Variants in SCN3B observed in about 807,000 individuals in gnomAD.
SCN3B encodes sodium voltage-gated channel beta subunit 3.
A neutral mutation model predicts 25.4 loss-of-function variants in SCN3B; 11 were observed. The ratio of observed to expected loss-of-function variants is 0.43; its 90% CI spans 0.27 to 0.72. SCN3B has a LOEUF of 0.72. Ranked by LOEUF, SCN3B falls within the 30% of genes least tolerant of loss-of-function variation. The probability of loss-of-function intolerance (pLI) is 0.18; values close to 1 mark genes in which losing one functional copy is unlikely to be tolerated. For missense variants in SCN3B, 218 were observed against 278.3 expected (o/e 0.78, Z 1.54); for synonymous variants, 109 against 110.7 (o/e 0.99, Z 0.09).
intron 5 of SCN3B, 81 bp from the exon 6 acceptor site, chr11:123,634,287 G>A (rs1390682992): frequency 8.8e-7 from 1 of 1,133,474 alleles, no homozygotes; most frequent in Non-Finnish European, 1.3e-6. Context: ...CAGGGCACAG[G>A]AGCAAGGATC....
At chr11:123,639,394 G>C (rs1955762641) in intron 4 of SCN3B, 1 of 149,482 alleles carries the variant, frequency 6.7e-6, no homozygotes, top group Admixed American at 6.6e-5. Flanking sequence ...TTTTTTTTTT[G>C]AGATGGAGCT....
Position 123,653,803 on chromosome 11 carries a change from T to A in SCN3B, c.-2A>T. On this transcript the variant is annotated 5_prime_UTR_variant, in exon 2 of 7. It adds an upstream start codon to the 5' untranslated region. Transcript: ENST00000299333. ...AAACAATCTATTGAAGGCAGGCATC[T>A]TCTGGGGCTGGCGGCTTCCAAGGCT... 6.2e-7 allele frequency: 1 copy of A among 1,614,218 alleles called. No homozygotes were observed. Among genetic ancestry groups the A allele is most frequent in the Non-Finnish European group, 8.5e-7 (1 of 1,180,028 alleles).
chr11:123,643,903 C>A (rs979448897), intron 3 of SCN3B, among the ~76,000 whole-genome samples: 2 of 152,216 alleles, frequency 1.3e-5, no homozygotes, highest in Non-Finnish European at 2.9e-5. Context: ...CTCCGCTGGT[C>A]CCAGTCTTAG....
Position 123,645,767 on chromosome 11 carries a change from T to C in SCN3B, c.56-17A>G. ...AGACACTGACTGCAGAGAGGACAGA[T>C]GGACAGGGAAGGAACAGCAGGTGGT... On this transcript the variant is annotated splice_polypyrimidine_tract_variant and intron_variant, in intron 2 of 6. Coordinates refer to ENST00000299333, the MANE Select transcript of SCN3B (RefSeq NM_001040151.2). The C allele has an allele frequency of 6.2e-7, 1 of 1,613,020 alleles. No homozygotes were observed. Among genetic ancestry groups the C allele is most frequent in the Non-Finnish European group, 8.5e-7 (1 of 1,179,786 alleles).
chr11:123,644,311 A>G (rs1955822092), intron 3 of SCN3B, among the ~76,000 whole-genome samples: 1 of 152,194 alleles, frequency 6.6e-6, no homozygotes, highest in South Asian at 2.1e-4. Flanking sequence ...GCTATGCTTT[A>G]TATCCCCACT....
In SCN3B at chr11:123,645,682, T is replaced by A. The variant is rs750146897; in HGVS notation, c.124A>T (p.Lys42Ter). 2 of 1,614,060 alleles carry A rather than the reference T, an allele frequency of 1.2e-6. No homozygotes were observed. The highest frequency in any genetic ancestry group is 2.2e-5 in the South Asian group (2 of 91,084). The part of the protein sequence containing the change: ...ETEAVQGNPM[K>*]LRCISCMKRE... ...TTCATGCAGGAGATGCAGCGCAGCTTCATGGGGTTGCCCTGCACGGCCTCC... is the reference window on the plus strand; with the variant it reads ...TTCATGCAGGAGATGCAGCGCAGCTACATGGGGTTGCCCTGCACGGCCTCC... Residue 42 changes from lysine (K) to a stop codon, truncating the protein, a stop_gained, in exon 3 of 7, where the codon AAG becomes TAG. Transcript: ENST00000299333. LOFTEE classifies it high-confidence loss of function.
chr11:123,637,377 A>T (rs527772665), intron 5 of SCN3B, among the ~76,000 whole-genome samples: 1 of 152,358 alleles, frequency 6.6e-6, no homozygotes, highest in Non-Finnish European at 1.5e-5. Context: ...TCAATGAGAT[A>T]GAAAGAGCAT....
chr11:123,638,553 A>G lies in SCN3B; in HGVS notation c.446-229T>C, dbSNP rs572665705. On this transcript the variant is annotated intron_variant, in intron 4 of 6. Coordinates refer to ENST00000299333, the MANE Select transcript of SCN3B (RefSeq NM_001040151.2). ...GTGGGATGCCTGGAAGAAGTAGCCGAGCAGTGGAAGGAATCCTGGCCTCAA... is the reference window on the plus strand; with the variant it reads ...GTGGGATGCCTGGAAGAAGTAGCCGGGCAGTGGAAGGAATCCTGGCCTCAA... 35 of 567,628 alleles carry G rather than the reference A, an allele frequency of 6.2e-5. 1 individual carries two copies. In the South Asian group the frequency reaches 6.9e-4, roughly 11 times the overall value. 35.2% of individuals were successfully genotyped at this position (567,628 alleles called of 1,614,324 possible). A position where few individuals can be genotyped will look rare whatever the true frequency, so the allele number is the denominator to read the frequency against.
rs1422744939 is a variant in SCN3B at position 123,630,348 on chromosome 11, G to C, written c.*3451C>G. On this transcript the variant is annotated 3_prime_UTR_variant, in exon 7 of 7. Transcript: ENST00000299333. ...CAATCACATTCATGGCTGTGAAGTA[G>C]TAAGAATGGGAAAATCAGATTGAGC... is the stretch of plus-strand genomic sequence containing the variant. 2 of 152,632 alleles carry C rather than the reference G, an allele frequency of 1.3e-5. No homozygotes were observed. The highest frequency in any genetic ancestry group is 2.9e-5 in the Non-Finnish European group (2 of 68,050). The allele number at this position is 152,632 out of a possible 1,614,324, so 9.5% of individuals were successfully genotyped here.
Position 123,629,236 on chromosome 11 carries a change from A to G in SCN3B, c.*4563T>C, listed in dbSNP as rs1223158974. On this transcript the variant is annotated 3_prime_UTR_variant, in exon 7 of 7. Coordinates refer to ENST00000299333, the MANE Select transcript of SCN3B (RefSeq NM_001040151.2). ...ACATGAACAAGGAGTTTACTGAAAA[A>G]CAGCACATACAGGCATTACGTTGTT... The G allele has an allele frequency of 6.6e-6, 1 of 152,190 alleles. No individual in the cohort carries two copies. Among genetic ancestry groups the G allele is most frequent in the Non-Finnish European group, 1.5e-5 (1 of 68,028 alleles). 9.4% of individuals were successfully genotyped at this position (152,190 alleles called of 1,614,324 possible). A position where few individuals can be genotyped will look rare whatever the true frequency, so the allele number is the denominator to read the frequency against.
Position 123,642,495 on chromosome 11 carries a change from C to A in SCN3B, c.396G>T (p.Arg132=), listed in dbSNP as rs752593287. 1.2e-5 allele frequency: 20 copies of A among 1,614,034 alleles called. No homozygotes were observed. The highest frequency in any genetic ancestry group is 1.7e-5 in the Non-Finnish European group (20 of 1,180,044). The change falls in exon 4 of 7, where the codon CGG becomes CGT. Residue 132 remains arginine (R), a synonymous_variant. Coordinates refer to ENST00000299333, the MANE Select transcript of SCN3B (RefSeq NM_001040151.2). This position sits in a 1 kb window ranked among gnomAD's most constrained non-coding sequence, Gnocchi z 4.3. Reference sequence around the variant, plus strand: ...TCAGCCGCGTCGTCTTCACAAAGGGCCGATGCGCCTCAAACTCAAACTCCC... The same window carrying A: ...TCAGCCGCGTCGTCTTCACAAAGGGACGATGCGCCTCAAACTCAAACTCCC... ...VSREFEFEAH[R]PFVKTTRLIP...
Position 123,642,185 on chromosome 11 carries a change from A to C in SCN3B, c.445+261T>G, listed in dbSNP as rs1240599555. On this transcript the variant is annotated intron_variant, in intron 4 of 6. Coordinates refer to ENST00000299333, the MANE Select transcript of SCN3B (RefSeq NM_001040151.2). The surrounding 1 kb of genome is among the most constrained non-coding windows in gnomAD (Gnocchi z 4.3). ...CTCATGGAGGCTAGCCTCTTTCTCT[A>C]AGGGACCAGGAAGAGCTCATTCTAT... is the stretch of plus-strand genomic sequence containing the variant. 6.6e-6 allele frequency among the ~76,000 whole-genome samples: 1 copy of C among 152,212 alleles called. No individual in the cohort carries two copies. Among genetic ancestry groups the C allele is most frequent in the Non-Finnish European group, 1.5e-5 (1 of 68,042 alleles).
rs576087730 is a variant in SCN3B at position 123,638,677 on chromosome 11, G to C, written c.446-353C>G. 1.4e-5 allele frequency: 5 copies of C among 355,544 alleles called. No individual in the cohort carries two copies. In the Admixed American group the frequency reaches 1.6e-4, roughly 11 times the overall value. 22.0% of individuals were successfully genotyped at this position (355,544 alleles called of 1,614,324 possible). Reference sequence around the variant, plus strand: ...CTCAGTTTCTTAATTTGTAGGTTGAGGATAATAACACCAGTCAGGGGTTTG... The same window carrying C: ...CTCAGTTTCTTAATTTGTAGGTTGACGATAATAACACCAGTCAGGGGTTTG... On this transcript the variant is annotated intron_variant, in intron 4 of 6. Coordinates refer to ENST00000299333, the MANE Select transcript of SCN3B (RefSeq NM_001040151.2).
In SCN3B at chr11:123,630,247, T is replaced by G. The variant is rs770600572; in HGVS notation, c.*3552A>C. 6.6e-6 allele frequency: 1 copy of G among 152,516 alleles called. No homozygotes were observed. Among genetic ancestry groups the G allele is most frequent in the African/African-American group, 2.4e-5 (1 of 41,380 alleles). 9.4% of individuals were successfully genotyped at this position (152,516 alleles called of 1,614,324 possible). ...TAGGGACAGGCAGGGAGTGTTTGGG[T>G]TGGGGCTCTGATTCAAGACCGAGGT... On this transcript the variant is annotated 3_prime_UTR_variant, in exon 7 of 7. Coordinates refer to ENST00000299333, the MANE Select transcript of SCN3B (RefSeq NM_001040151.2).
chr11:123,645,817 A>G (rs1193514348), intron 2 of SCN3B, 67 bp from the exon 3 acceptor site: 8 of 1,560,148 alleles, frequency 5.1e-6, no homozygotes, highest in East Asian at 2.2e-5. Context: ...GGAGAGAAAC[A>G]TTGGAGAAGA....
chr11:123,638,384 G>A, intron 4 of SCN3B, 60 bp from the exon 5 acceptor site: 1 of 1,606,980 alleles, frequency 6.2e-7, no homozygotes, highest in African/African-American at 1.3e-5. Context: ...AGCCGTCATT[G>A]GAGCCATATT....
intron 4 of SCN3B, 105 bp from the exon 5 acceptor site, chr11:123,638,429 A>T: frequency 6.8e-7 from 1 of 1,474,768 alleles, no homozygotes; most frequent in Non-Finnish European, 9.3e-7. Context: ...TGAGTAAAGA[A>T]ACTCAAGAAG....
At chr11:123,649,599 TCTC>T (rs1391639502) in intron 2 of SCN3B, among the ~76,000 whole-genome samples, 4 of 152,136 alleles carry the variant, frequency 2.6e-5, no homozygotes, top group Non-Finnish European at 5.9e-5. Flanking sequence ...TTTCTTTCTT[TCTC>T]CTTTCTTTTT....
intron 2 of SCN3B, among the ~76,000 whole-genome samples, chr11:123,646,897 G>C (rs1163829246): frequency 6.6e-6 from 1 of 152,138 alleles, no homozygotes; most frequent in East Asian, 1.9e-4. Flanking sequence ...TGTTCAAAGA[G>C]TGCATGCCCA....
Sources: gnomAD v4.1 joint callset for allele counts (sites outside exome capture counted in the v4.1 genomes callset) on GRCh38, gnomAD v4.1.1 for gene constraint, Gnocchi (gnomAD v3.1) non-coding constraint, MANE v1.5 for transcripts, NCBI Gene and HGNC (gene_info 2026-07-23, HGNC 2026-07-21) for gene names.